The following KCNH8 variants were observed in gnomAD, a reference collection of about 807,000 sequenced individuals.
The protein encoded by KCNH8 is voltage-gated delayed rectifier potassium channel KCNH8.
Under a neutral mutation model 103.6 loss-of-function variants are expected in KCNH8, and 70 were observed. The observed-to-expected ratio is 0.68, with a 90% CI of 0.56 to 0.82. The LOEUF (loss-of-function observed/expected upper bound fraction) is 0.82. Among genes scored for constraint, KCNH8 ranks in the 40% least tolerant of loss-of-function variants. The probability of loss-of-function intolerance (pLI) is 0.00; values close to 1 mark genes in which losing one functional copy is unlikely to be tolerated. For missense variants in KCNH8, 1,217 were observed against 1,329.9 expected (o/e 0.92, Z 1.32); for synonymous variants, 498 against 489.4 (o/e 1.02, Z -0.23).
intron 2 of KCNH8, 115 bp downstream of exon 2, chr3:19,254,002 G>C: frequency 1.4e-6 from 1 of 690,672 alleles, no homozygotes; most frequent in South Asian, 1.8e-5. Flanking sequence ...ATACATGCAG[G>C]CTGTTACAGA....
chr3:19,239,635 A>AATCTATCT (rs10571316), intron 1 of KCNH8, among the ~76,000 whole-genome samples: 1,788 of 145,824 alleles, frequency 0.012, 12 homozygotes, highest in Admixed American at 0.02. Context: ...AGAATGATGG[A>AATCTATCT]ATCTATCTAT....
intron 3 of KCNH8, among the ~76,000 whole-genome samples, chr3:19,326,459 A>C (rs2065426671): frequency 6.6e-6 from 1 of 150,944 alleles, no homozygotes; most frequent in African/African-American, 2.4e-5. Flanking sequence ...GGCTCTGCAA[A>C]ATCATGAAGT....
chr3:19,241,723 G>GACAC lies in KCNH8; in HGVS notation c.77-11905_77-11902dup, dbSNP rs71055059. On this transcript the variant is annotated intron_variant, in intron 1 of 15. Transcript: ENST00000328405. ...ATTCAGTTATAAAAATACACACACA[G>GACAC]ACACACACACACACACACACACACA... Among the ~76,000 whole-genome samples the GACAC allele has an allele frequency of 5.9e-3, 867 of 147,794 alleles. 8 individuals carry two copies. Among genetic ancestry groups the GACAC allele is most frequent in the African/African-American group, 0.019 (753 of 40,064 alleles).
chr3:19,374,930 G>T (rs1383055412), intron 5 of KCNH8, among the ~76,000 whole-genome samples: 1 of 151,944 alleles, frequency 6.6e-6, no homozygotes, highest in Non-Finnish European at 1.5e-5. Context: ...GTTGAATATT[G>T]GCCCCCACTC....
At chr3:19,345,294 GGCATACAC>G (rs1204799220) in intron 4 of KCNH8, among the ~76,000 whole-genome samples, 1 of 152,018 alleles carries the variant, frequency 6.6e-6, no homozygotes, top group Non-Finnish European at 1.5e-5. Flanking sequence ...GATCAGCAAA[GGCATACAC>G]TGGGTTTAGA....
At chr3:19,420,600 G>A (rs1395419660) in intron 7 of KCNH8, among the ~76,000 whole-genome samples, 3 of 152,112 alleles carry the variant, frequency 2.0e-5, no homozygotes, top group African/African-American at 4.8e-5. Flanking sequence ...GGAATATGTC[G>A]TGACTCTGTG....
chr3:19,479,136 G>A (rs188396310), intron 11 of KCNH8, among the ~76,000 whole-genome samples: 26 of 152,182 alleles, frequency 1.7e-4, no homozygotes, highest in African/African-American at 4.3e-4. Context: ...ATCCCCTGGC[G>A]CACAGACCTT....
At chr3:19,320,967 G>C (rs1295347347) in intron 3 of KCNH8, among the ~76,000 whole-genome samples, 1 of 151,644 alleles carries the variant, frequency 6.6e-6, no homozygotes, top group South Asian at 2.1e-4. Context: ...GTTTATGCAC[G>C]TAAAAAAGGT....
chr3:19,307,574 A>G (rs1159773566), intron 3 of KCNH8, among the ~76,000 whole-genome samples: 1 of 152,008 alleles, frequency 6.6e-6, no homozygotes, highest in Admixed American at 6.6e-5. Flanking sequence ...ATTATATCAA[A>G]GAGACATCTG....
At chr3:19,485,156 A>T (rs1034335096) in intron 11 of KCNH8, among the ~76,000 whole-genome samples, 2 of 152,176 alleles carry the variant, frequency 1.3e-5, no homozygotes. Context: ...CAAACCTGTT[A>T]CCTGAGCCGA....
chr3:19,493,114 G>A (rs1216960768), intron 11 of KCNH8, among the ~76,000 whole-genome samples: 1 of 152,082 alleles, frequency 6.6e-6, no homozygotes, highest in Non-Finnish European at 1.5e-5. Context: ...ATCAGTTCTA[G>A]TAGCCTCTTG....
chr3:19,277,567 A>G (rs1024729632), intron 2 of KCNH8, among the ~76,000 whole-genome samples: 3 of 152,130 alleles, frequency 2.0e-5, no homozygotes, highest in African/African-American at 7.2e-5. Flanking sequence ...AAAAAGGCAC[A>G]GGTGGTAAAC....
intron 5 of KCNH8, among the ~76,000 whole-genome samples, chr3:19,373,192 G>A (rs2125117946): frequency 6.6e-6 from 1 of 152,188 alleles, no homozygotes; most frequent in Middle Eastern, 3.4e-3. Flanking sequence ...AATGGTACCA[G>A]CTCCTCCTTG....
At chr3:19,407,042 TA>T (rs2066702654) in intron 7 of KCNH8, among the ~76,000 whole-genome samples, 3 of 152,142 alleles carry the variant, frequency 2.0e-5, no homozygotes, top group Non-Finnish European at 2.9e-5. Flanking sequence ...ATCCATGAAA[TA>T]AATGGCTTTT....
At chr3:19,512,723 C>A (rs774613512) in intron 12 of KCNH8, among the ~76,000 whole-genome samples, 1 of 151,830 alleles carries the variant, frequency 6.6e-6, no homozygotes, top group African/African-American at 2.4e-5. Context: ...TTTAAAAGAC[C>A]AAGAGAAAGG....
chr3:19,275,433 A>C lies in KCNH8; in HGVS notation c.311-5765A>C, dbSNP rs117024245. Among the ~76,000 whole-genome samples the C allele has an allele frequency of 4.7e-3, 716 of 152,176 alleles. 24 individuals are homozygous for C. The East Asian group carries it at 0.085, about 18-fold the overall frequency. ...TCCACTGTTACACAGGGAGTCAGGAAACCAGTGCCATTTACTTTGGCTCAC... is the reference window on the plus strand; with the variant it reads ...TCCACTGTTACACAGGGAGTCAGGACACCAGTGCCATTTACTTTGGCTCAC... On this transcript the variant is annotated intron_variant, in intron 2 of 15. Transcript: ENST00000328405.
At chr3:19,224,590 GAGTGC>G (rs1040334530) in intron 1 of KCNH8, among the ~76,000 whole-genome samples, 3 of 147,838 alleles carry the variant, frequency 2.0e-5, no homozygotes, top group Non-Finnish European at 3.0e-5. Context: ...AGAGAGGCTG[GAGTGC>G]AGTGGCATGA....
intron 1 of KCNH8, among the ~76,000 whole-genome samples, chr3:19,245,643 T>G (rs899182802): frequency 3.9e-5 from 6 of 152,220 alleles, no homozygotes; most frequent in Non-Finnish European, 8.8e-5. Flanking sequence ...AATTTTATGG[T>G]AGAGATTTTT....
intron 15 of KCNH8, among the ~76,000 whole-genome samples, chr3:19,528,335 T>G (rs1163404395): frequency 6.6e-6 from 1 of 152,050 alleles, no homozygotes; most frequent in Non-Finnish European, 1.5e-5. Context: ...TTATGAGATC[T>G]AGGAATCAGT....
Sources: allele counts gnomAD v4.1 joint callset (sites outside exome capture counted in the v4.1 genomes callset), GRCh38; gene constraint gnomAD v4.1.1; transcripts MANE v1.5; gene names NCBI Gene and HGNC (gene_info 2026-07-23, HGNC 2026-07-21).